ANO10: variants seen among roughly 807,000 people sequenced by gnomAD.
ANO10 encodes the protein anoctamin 10.
A neutral mutation model predicts 74.7 loss-of-function variants in ANO10; 77 were observed. The ratio of observed to expected loss-of-function variants is 1.03; its 90% CI spans 0.86 to 1.25. The LOEUF (loss-of-function observed/expected upper bound fraction) is 1.25, where lower values mean the gene tolerates loss of function less well. Ranked by LOEUF, ANO10 falls within the 50% of genes most tolerant of loss-of-function variation. ANO10 has a pLI of 0.00. For synonymous variants in ANO10, 279 were observed against 284.9 expected, an observed-to-expected ratio of 0.98 and a Z score of 0.21; for missense variants, 721 against 778.1, an observed-to-expected ratio of 0.93 and a Z score of 0.87.
At chr3:43,501,878 C>G (rs1335739386) in intron 11 of ANO10, among the ~76,000 whole-genome samples, 2 of 152,160 alleles carry the variant, frequency 1.3e-5, no homozygotes, top group Non-Finnish European at 2.9e-5. Flanking sequence ...TTACTTCACC[C>G]ACATCCTATT....
chr3:43,385,893 T>C (rs2125705914), intron 12 of ANO10, among the ~76,000 whole-genome samples: 1 of 151,920 alleles, frequency 6.6e-6, no homozygotes, highest in East Asian at 1.9e-4. Flanking sequence ...ACACCACCTG[T>C]CCCCCAAAAA....
chr3:43,687,642 G>T (rs1372168120), intron 1 of ANO10, among the ~76,000 whole-genome samples: 1 of 152,156 alleles, frequency 6.6e-6, no homozygotes, highest in East Asian at 1.9e-4. Context: ...GTACAAAGTA[G>T]GTACTGGCGA....
intron 11 of ANO10, among the ~76,000 whole-genome samples, chr3:43,467,421 G>T (rs894765294): frequency 1.3e-5 from 2 of 152,298 alleles, no homozygotes; most frequent in East Asian, 1.9e-4. Context: ...GCAATATAAA[G>T]CAACAAGCTA....
chr3:43,421,485 G>C (rs910615476), intron 12 of ANO10, among the ~76,000 whole-genome samples: 1 of 151,888 alleles, frequency 6.6e-6, no homozygotes, highest in African/African-American at 2.4e-5. Flanking sequence ...GCATTCCACT[G>C]CATTCCAGCC....
chr3:43,439,773 C>T (rs1200027122), intron 11 of ANO10, among the ~76,000 whole-genome samples: 4 of 151,870 alleles, frequency 2.6e-5, no homozygotes, highest in Non-Finnish European at 5.9e-5. Context: ...TCAAGCTACT[C>T]GGGAGGCTGG....
chr3:43,477,156 T>C (rs2076097180), intron 11 of ANO10, among the ~76,000 whole-genome samples: 1 of 152,168 alleles, frequency 6.6e-6, no homozygotes, highest in Non-Finnish European at 1.5e-5. Flanking sequence ...AATAGAGAAA[T>C]CTTTCATTAT....
chr3:43,588,884 A>G (rs2081595373), intron 4 of ANO10, among the ~76,000 whole-genome samples: 1 of 152,250 alleles, frequency 6.6e-6, no homozygotes, highest in Non-Finnish European at 1.5e-5. Context: ...AATACGAAGA[A>G]CAAATTGGCA....
chr3:43,466,693 G>T (rs2075642237), intron 11 of ANO10, among the ~76,000 whole-genome samples: 1 of 152,020 alleles, frequency 6.6e-6, no homozygotes, highest in African/African-American at 2.4e-5. Flanking sequence ...GGACCTTAGG[G>T]TAACCAAAGA....
chr3:43,652,799 A>G (rs1392652850), intron 1 of ANO10: 1 of 152,032 alleles, frequency 6.6e-6, no homozygotes, highest in Non-Finnish European at 1.5e-5. Flanking sequence ...ACTTGATTAT[A>G]AATTATTTTT....
chr3:43,563,978 A>T (rs911910939), intron 8 of ANO10, among the ~76,000 whole-genome samples: 2 of 152,174 alleles, frequency 1.3e-5, no homozygotes, highest in Admixed American at 1.3e-4. Context: ...AATGTATTGT[A>T]TGCTCCCAAC....
chr3:43,452,866 A>C (rs182290449), intron 11 of ANO10, among the ~76,000 whole-genome samples: 1 of 152,308 alleles, frequency 6.6e-6, no homozygotes, highest in African/African-American at 2.4e-5. Flanking sequence ...CTTTTTGTTT[A>C]TATCTATGCT....
intron 11 of ANO10, among the ~76,000 whole-genome samples, chr3:43,465,701 T>C (rs1462540744): frequency 6.6e-6 from 1 of 152,198 alleles, no homozygotes; most frequent in Non-Finnish European, 1.5e-5. Context: ...ATATATATGG[T>C]TCATTACTGA....
At chr3:43,632,546 T>C (rs1181780085) in intron 1 of ANO10, among the ~76,000 whole-genome samples, 1 of 152,274 alleles carries the variant, frequency 6.6e-6, no homozygotes, top group Non-Finnish European at 1.5e-5. Context: ...CCATCCCTCA[T>C]GGTTTCCCTA....
intron 8 of ANO10, 147 bp from the exon 9 acceptor site, chr3:43,561,549 T>C: frequency 1.3e-6 from 1 of 754,676 alleles, no homozygotes; most frequent in Non-Finnish European, 2.1e-6. Context: ...ATAAATAGCA[T>C]ACTATTGTGT....
At position 43,605,607 on chromosome 3, in the gene ANO10, A is replaced by G; in HGVS notation, c.139+107T>C. The G allele has an allele frequency of 7.7e-6, 11 of 1,431,382 alleles. No homozygotes were observed. The Admixed American group carries it at 2.1e-4, about 28-fold the overall frequency. The allele number at this position is 1,431,382 out of a possible 1,614,324, so 88.7% of individuals were successfully genotyped here. A position where few individuals can be genotyped will look rare whatever the true frequency, so the allele number is the denominator to read the frequency against. ...AATAAAATATATCAACGAAAATTAT[A>G]AAACACATTTGCAAATACATTTTTA... On this transcript the variant is annotated intron_variant, in intron 2 of 12. Transcript: ENST00000292246.
chr3:43,430,304 T>A (rs991641182), intron 12 of ANO10, among the ~76,000 whole-genome samples: 1 of 151,992 alleles, frequency 6.6e-6, no homozygotes, highest in Non-Finnish European at 1.5e-5. Flanking sequence ...TTCATGTATT[T>A]TACTTTATCT....
In ANO10 at chr3:43,492,301, A is replaced by G. The variant is rs145208002; in HGVS notation, c.1797+57419T>C. Among the ~76,000 whole-genome samples, 463 of 152,336 alleles carry G rather than the reference A, an allele frequency of 3.0e-3. 4 individuals are homozygous for G. The highest frequency in any genetic ancestry group is 0.011 in the African/African-American group (440 of 41,570). Reference sequence around the variant, plus strand: ...TACAAAAATCAACTCAAGATGGATCAAAGACTTAAACGTAAGACCTAGGAC... The same window carrying G: ...TACAAAAATCAACTCAAGATGGATCGAAGACTTAAACGTAAGACCTAGGAC... On this transcript the variant is annotated intron_variant, in intron 11 of 12. Transcript: ENST00000292246.
At position 43,366,347 on chromosome 3, in the gene ANO10, G is replaced by A. The variant is rs2091409915; in HGVS notation, c.*559C>T. ...TATGTAGGCAGAAGGAGTCAGAGAG[G>A]TTGCCTTTAATAGCTCAGTTACTAT... On this transcript the variant is annotated 3_prime_UTR_variant, in exon 13 of 13. Transcript: ENST00000292246. 5.7e-6 allele frequency: 1 copy of A among 176,388 alleles called. No homozygotes were observed. Among genetic ancestry groups the A allele is most frequent in the African/African-American group, 2.4e-5 (1 of 42,212 alleles). The allele number at this position is 176,388 out of a possible 1,614,324, so 10.9% of individuals were successfully genotyped here. A position where few individuals can be genotyped will look rare whatever the true frequency, so the allele number is the denominator to read the frequency against.
intron 1 of ANO10, among the ~76,000 whole-genome samples, chr3:43,639,521 C>G (rs1293834644): frequency 6.6e-6 from 1 of 152,088 alleles, no homozygotes; most frequent in Non-Finnish European, 1.5e-5. Flanking sequence ...TCCCAGCACT[C>G]TGGGAGGCCG....
Sources: gnomAD v4.1 joint callset for allele counts (sites outside exome capture counted in the v4.1 genomes callset) on GRCh38, gnomAD v4.1.1 for gene constraint, MANE v1.5 for transcripts, NCBI Gene and HGNC (gene_info 2026-07-23, HGNC 2026-07-21) for gene names.